DPP6: variants seen among roughly 807,000 people sequenced by gnomAD.
DPP6 encodes dipeptidyl peptidase like 6.
Under a neutral mutation model 122.6 loss-of-function variants are expected in DPP6, and 69 were observed. The ratio of observed to expected loss-of-function variants is 0.56; its 90% confidence interval spans 0.46 to 0.69. The LOEUF (loss-of-function observed/expected upper bound fraction) is 0.69. Among genes scored for constraint, DPP6 ranks in the 30% least tolerant of loss-of-function variants. DPP6 has a pLI of 0.00. For missense variants in DPP6, 928 were observed against 1,116.9 expected (o/e 0.83, Z 2.41); for synonymous variants, 418 against 433.1 (o/e 0.97, Z 0.43).
the DPP6 span, among the ~76,000 whole-genome samples, chr7:153,832,155 C>G: frequency 5.3e-5 from 8 of 152,314 alleles, no homozygotes; most frequent in East Asian, 5.8e-4. Context: ...AGCCTCCAGC[C>G]TGGCTCTTTA....
intron 1 of DPP6, among the ~76,000 whole-genome samples, chr7:154,414,989 C>T (rs975988876): frequency 1.3e-5 from 2 of 152,172 alleles, no homozygotes; most frequent in African/African-American, 4.8e-5. Context: ...AGCAAGAGGC[C>T]TGGGTCCCAA....
intron 1 of DPP6, among the ~76,000 whole-genome samples, chr7:154,073,913 G>T (rs1251419857): frequency 1.3e-5 from 2 of 152,200 alleles, no homozygotes; most frequent in Admixed American, 6.5e-5. Flanking sequence ...TTGAACCTGG[G>T]AGGAGGAGGT....
rs182506475 is a variant in DPP6 at position 154,522,069 on chromosome 7, C to T, written c.458-18463C>T. 9.3e-3 allele frequency among the ~76,000 whole-genome samples: 1,412 copies of T among 152,206 alleles called. 11 individuals are homozygous for T. The highest frequency in any genetic ancestry group is 0.012 in the Non-Finnish European group (799 of 68,018). On this transcript the variant is annotated intron_variant, in intron 3 of 25. Transcript: ENST00000377770. Reference sequence around the variant, plus strand: ...AGCTCCACCTCCCGGGTTCACGCCACTCTCCTGTTTCAGCTTCCCGGGTAG... The same window carrying T: ...AGCTCCACCTCCCGGGTTCACGCCATTCTCCTGTTTCAGCTTCCCGGGTAG...
At chr7:154,291,086 C>T (rs560304661) in intron 1 of DPP6, among the ~76,000 whole-genome samples, 59 of 152,254 alleles carry the variant, frequency 3.9e-4, no homozygotes, top group African/African-American at 1.3e-3. Context: ...TTGCAGCCAC[C>T]GCTCCCCTCC....
At chr7:154,816,111 A>G (rs1587231438) in intron 16 of DPP6, among the ~76,000 whole-genome samples, 1 of 152,142 alleles carries the variant, frequency 6.6e-6, no homozygotes, top group Non-Finnish European at 1.5e-5. Flanking sequence ...CAGCTTCGCG[A>G]CCTTGGGCAT....
At chr7:154,720,376 A>G (rs60755594) in intron 7 of DPP6, among the ~76,000 whole-genome samples, 4,539 of 152,322 alleles carry the variant, frequency 0.03, 208 homozygotes, top group African/African-American at 0.1. Context: ...CTGGATAGTC[A>G]CACATGAGGA....
chr7:154,887,637 G>A (rs760409937), intron 22 of DPP6, 39 bp from the exon 23 acceptor site: 13 of 1,611,908 alleles, frequency 8.1e-6, no homozygotes, highest in African/African-American at 5.3e-5. Flanking sequence ...ACAGGGCCTC[G>A]AAGCCAGAGG....
intron 16 of DPP6, among the ~76,000 whole-genome samples, chr7:154,809,265 AGAAG>A (rs1798889987): frequency 1.3e-5 from 2 of 150,698 alleles, no homozygotes; most frequent in Admixed American, 1.3e-4. Flanking sequence ...AAAAAAAAAA[AGAAG>A]AAGAAGGGTT....
At chr7:153,981,122 A>G (rs796833304) in intron 1 of DPP6, among the ~76,000 whole-genome samples, 22 of 152,288 alleles carry the variant, frequency 1.4e-4, no homozygotes, top group African/African-American at 5.3e-4. Context: ...TGTCTCCTTC[A>G]TCTGTCTAAT....
At chr7:153,966,300 T>C (rs3864499) in intron 1 of DPP6, among the ~76,000 whole-genome samples, 2,324 of 149,148 alleles carry the variant, frequency 0.016, 44 homozygotes, top group African/African-American at 0.029. Flanking sequence ...TGTTTGTGCA[T>C]GTGTTCATGT....
chr7:154,749,552 GA>G (rs1843248662), intron 8 of DPP6, among the ~76,000 whole-genome samples: 2 of 136,802 alleles, frequency 1.5e-5, no homozygotes, highest in Non-Finnish European at 1.6e-5. Flanking sequence ...GAGAGGGATG[GA>G]GGCTTTACTG....
intron 7 of DPP6, among the ~76,000 whole-genome samples, chr7:154,671,324 C>T (rs1190434634): frequency 6.6e-6 from 1 of 152,218 alleles, no homozygotes; most frequent in African/African-American, 2.4e-5. Flanking sequence ...TGCACCTGGC[C>T]TCATCACCCC....
At chr7:153,910,946 G>A (rs976142561) in intron 1 of DPP6, among the ~76,000 whole-genome samples, 1 of 152,142 alleles carries the variant, frequency 6.6e-6, no homozygotes, top group Non-Finnish European at 1.5e-5. Context: ...ACTCTTACTT[G>A]GCTTCCCTGC....
chr7:154,787,042 T>C (rs1437913917), intron 10 of DPP6, among the ~76,000 whole-genome samples: 1 of 152,240 alleles, frequency 6.6e-6, no homozygotes, highest in Non-Finnish European at 1.5e-5. Context: ...TTGTCTTTAT[T>C]ATTGTACATA....
At chr7:154,023,813 T>G (rs1215923454) in intron 1 of DPP6, among the ~76,000 whole-genome samples, 4 of 151,952 alleles carry the variant, frequency 2.6e-5, no homozygotes, top group Admixed American at 6.6e-5. Flanking sequence ...ACAGATTGTA[T>G]TACAAAGACC....
intron 1 of DPP6, among the ~76,000 whole-genome samples, chr7:153,899,971 T>C (rs1281538499): frequency 6.6e-6 from 1 of 152,252 alleles, no homozygotes; most frequent in Non-Finnish European, 1.5e-5. Flanking sequence ...TCATCTCTAC[T>C]CTGAAATATT....
intron 7 of DPP6, among the ~76,000 whole-genome samples, chr7:154,685,285 G>T (rs537524936): frequency 7.2e-5 from 11 of 152,302 alleles, no homozygotes; most frequent in African/African-American, 2.6e-4. Context: ...ACTAGCCAAC[G>T]GTTCAACAGC....
chr7:153,848,268 C>A, the DPP6 span, among the ~76,000 whole-genome samples: 1 of 150,914 alleles, frequency 6.6e-6, no homozygotes. Context: ...CCCCTACCCC[C>A]ACCCCAGTCC....
intron 1 of DPP6, among the ~76,000 whole-genome samples, chr7:154,045,121 C>T (rs12668062): frequency 9.7e-4 from 146 of 150,716 alleles, no homozygotes; most frequent in African/African-American, 3.5e-3. Flanking sequence ...AGTTCAAGGG[C>T]GAAACAGCAT....
Sources: allele counts gnomAD v4.1 joint callset (sites outside exome capture counted in the v4.1 genomes callset), GRCh38; gene constraint gnomAD v4.1.1; transcripts MANE v1.5; gene names NCBI Gene and HGNC (gene_info 2026-07-23, HGNC 2026-07-21).